The following CLEC3A variants were observed in gnomAD, a reference collection of about 807,000 sequenced individuals.
The protein encoded by CLEC3A is C-type (calcium dependent, carbohydrate-recognition domain) lectin, superfamily member 1 (cartilage-derived).
In CLEC3A, 28 loss-of-function variants were observed where a neutral mutation model predicts 20.4. The observed-to-expected ratio is 1.37, with a 90% confidence interval of 1.02 to 1.88. The LOEUF is 1.88. Ranked by LOEUF, CLEC3A falls within the 40% of genes most tolerant of loss-of-function variation. The probability of loss-of-function intolerance (pLI) is 0.00; values close to 1 mark genes in which losing one functional copy is unlikely to be tolerated. For missense variants in CLEC3A, 357 were observed against 240.4 expected, an observed-to-expected ratio of 1.48 and a Z score of -3.21; for synonymous variants, 110 against 88.1, an observed-to-expected ratio of 1.25 and a Z score of -1.39.
chr16:78,026,715 A>G (rs138618705), intron 1 of CLEC3A, among the ~76,000 whole-genome samples: 50 of 152,282 alleles, frequency 3.3e-4, no homozygotes, highest in Non-Finnish European at 5.1e-4. Context: ...CAAGCTGCCA[A>G]TCTCTAAGAG....
At chr16:78,025,315 C>A (rs1239607218) in intron 1 of CLEC3A, among the ~76,000 whole-genome samples, 1 of 152,160 alleles carries the variant, frequency 6.6e-6, no homozygotes, top group Non-Finnish European at 1.5e-5. Flanking sequence ...TGATCTCTCC[C>A]AATACATCTC....
At chr16:78,024,000 G>A (rs531253016) in intron 1 of CLEC3A, among the ~76,000 whole-genome samples, 9 of 151,940 alleles carry the variant, frequency 5.9e-5, no homozygotes, top group Non-Finnish European at 8.8e-5. Flanking sequence ...CTCGTGATTC[G>A]TCAGCCTCGG....
intron 2 of CLEC3A, 52 bp downstream of exon 2, chr16:78,028,242 C>T: frequency 1.5e-6 from 2 of 1,370,144 alleles, no homozygotes; most frequent in Non-Finnish European, 2.0e-6. Flanking sequence ...AGGAAAATTT[C>T]TGGGTCAATT....
chr16:78,024,591 G>T (rs2018789111), intron 1 of CLEC3A, among the ~76,000 whole-genome samples: 1 of 152,042 alleles, frequency 6.6e-6, no homozygotes, highest in Non-Finnish European at 1.5e-5. Context: ...TTTGCCATTA[G>T]GTCCTAGAAA....
rs2030110014 is a variant in CLEC3A, at chr16:78,031,550, T to C, written c.*709T>C. 1 of 152,132 alleles carries C rather than the reference T, an allele frequency of 6.6e-6. No individual in the cohort carries two copies. The highest frequency in any genetic ancestry group is 2.4e-5 in the African/African-American group (1 of 41,434). 9.4% of individuals were successfully genotyped at this position (152,132 alleles called of 1,614,324 possible). ...ATTCCCACCATTGCATTACAACCTC[T>C]AACTTAAATGGGTAACCCTAAGGCA... On this transcript the variant is annotated 3_prime_UTR_variant, in exon 3 of 3. Coordinates refer to ENST00000299642, the MANE Select transcript of CLEC3A (RefSeq NM_005752.6).
chr16:78,026,865 C>T (rs1481953124), intron 1 of CLEC3A, among the ~76,000 whole-genome samples: 2 of 152,178 alleles, frequency 1.3e-5, no homozygotes, highest in African/African-American at 4.8e-5. Flanking sequence ...GTTGCTAATA[C>T]CTAATATAGA....
intron 1 of CLEC3A, among the ~76,000 whole-genome samples, chr16:78,024,618 G>A (rs1031702778): frequency 6.6e-6 from 1 of 152,094 alleles, no homozygotes; most frequent in African/African-American, 2.4e-5. Context: ...TCTACAGTAG[G>A]TGAAGCAATA....
chr16:78,023,482 G>T (rs11646833), intron 1 of CLEC3A, among the ~76,000 whole-genome samples: 1 of 151,938 alleles, frequency 6.6e-6, no homozygotes, highest in Admixed American at 6.6e-5. Flanking sequence ...TTTGCAATAC[G>T]TTGAAACCTA....
At chr16:78,024,175 G>A (rs189547817) in intron 1 of CLEC3A, among the ~76,000 whole-genome samples, 1 of 152,328 alleles carries the variant, frequency 6.6e-6, no homozygotes, top group African/African-American at 2.4e-5. Flanking sequence ...GGTATCGAAA[G>A]GAGAGGGGAG....
At chr16:78,024,680 A>G (rs2018790736) in intron 1 of CLEC3A, among the ~76,000 whole-genome samples, 1 of 152,196 alleles carries the variant, frequency 6.6e-6, no homozygotes, top group South Asian at 2.1e-4. Context: ...TACTTTTAAA[A>G]TAGTTTAAGT....
At chr16:78,026,385 G>A (rs1293276724) in intron 1 of CLEC3A, among the ~76,000 whole-genome samples, 1 of 152,170 alleles carries the variant, frequency 6.6e-6, no homozygotes, top group Non-Finnish European at 1.5e-5. Flanking sequence ...TTCATACCAA[G>A]CTTTAAGTAT....
intron 1 of CLEC3A, among the ~76,000 whole-genome samples, chr16:78,024,226 C>T (rs1373388489): frequency 6.6e-6 from 1 of 152,082 alleles, no homozygotes. Context: ...CTGTAGCCAG[C>T]GTTTCTTCAC....
intron 2 of CLEC3A, among the ~76,000 whole-genome samples, chr16:78,028,487 A>G (rs2029990038): frequency 6.6e-6 from 1 of 152,244 alleles, no homozygotes; most frequent in South Asian, 2.1e-4. Flanking sequence ...TGAAATGACT[A>G]AAATGATTAG....
chr16:78,024,259 C>G lies in CLEC3A; in HGVS notation c.115+1518C>G, dbSNP rs536467971. 2.0e-5 allele frequency among the ~76,000 whole-genome samples: 3 copies of G among 152,166 alleles called. No individual in the cohort carries two copies. The East Asian group carries it at 5.8e-4, about 29-fold the overall frequency. On this transcript the variant is annotated intron_variant, in intron 1 of 2. Coordinates refer to ENST00000299642, the MANE Select transcript of CLEC3A (RefSeq NM_005752.6). ...CACTGCTGGATGGAGTGGCACTCCTCGTGAGAGTGGCGATCACCCAGTAGG... is the reference window on the plus strand; with the variant it reads ...CACTGCTGGATGGAGTGGCACTCCTGGTGAGAGTGGCGATCACCCAGTAGG...
At chr16:78,030,304 G>A in intron 2 of CLEC3A, 143 bp from the exon 3 acceptor site, 1 of 740,210 alleles carries the variant, frequency 1.4e-6, no homozygotes. Flanking sequence ...TTAGCATGTT[G>A]TCCGGCACAT....
intron 1 of CLEC3A, among the ~76,000 whole-genome samples, chr16:78,027,708 T>G (rs571117476): frequency 6.6e-6 from 1 of 152,124 alleles, no homozygotes; most frequent in Non-Finnish European, 1.5e-5. Flanking sequence ...AAGGCTGGAG[T>G]GCAGTGGAAT....
rs1179786443 is a variant in CLEC3A at position 78,030,486 on chromosome 16, T to C, written c.239T>C (p.Leu80Pro). ...RGTKVHKKCY[L>P]ASEGLKHFHE... ...ACTAAAGTTCACAAGAAATGCTACCTTGCTTCAGAAGGTTTGAAGCATTTC... is the reference window on the plus strand; with the variant it reads ...ACTAAAGTTCACAAGAAATGCTACCCTGCTTCAGAAGGTTTGAAGCATTTC... Residue 80 changes from leucine (L) to proline (P), a missense_variant, in exon 3 of 3, where the codon CTT becomes CCT. Leu to Pro is a moderately conservative substitution (Grantham distance 98, BLOSUM62 -3). Transcript: ENST00000299642. The C allele has an allele frequency of 6.2e-7, 1 of 1,612,044 alleles. No individual in the cohort carries two copies. The highest frequency in any genetic ancestry group is 8.5e-7 in the Non-Finnish European group (1 of 1,178,642).
rs748041510 is a variant in CLEC3A, at chr16:78,030,662, G to A, written c.415G>A (p.Gly139Ser). ...WLGINDMVTEGKFVDVNGIAI... is the reference protein window; with the variant it reads ...WLGINDMVTESKFVDVNGIAI... ...GGGCATCAATGACATGGTCACGGAA[G>A]GCAAGTTTGTTGACGTCAACGGAAT... Residue 139 changes from glycine to serine, a missense_variant, in exon 3 of 3, where the codon GGC (glycine) becomes AGC (serine). By Grantham distance (56) the Gly-to-Ser change is moderately conservative. Coordinates refer to ENST00000299642, the MANE Select transcript of CLEC3A (RefSeq NM_005752.6). 1 of 1,614,154 alleles carries A rather than the reference G, an allele frequency of 6.2e-7. No individual in the cohort carries two copies. The highest frequency in any genetic ancestry group is 1.1e-5 in the South Asian group (1 of 91,080).
chr16:78,025,072 G>A (rs1567542952), intron 1 of CLEC3A, among the ~76,000 whole-genome samples: 1 of 152,204 alleles, frequency 6.6e-6, no homozygotes, highest in Non-Finnish European at 1.5e-5. Context: ...CTGACCTCAG[G>A]TGATGGGATT....
Sources: allele counts gnomAD v4.1 joint callset (sites outside exome capture counted in the v4.1 genomes callset), GRCh38; gene constraint gnomAD v4.1.1; transcripts MANE v1.5; gene names NCBI Gene and HGNC (gene_info 2026-07-23, HGNC 2026-07-21).